CHRNA4: variants seen among roughly 807,000 people sequenced by gnomAD.
CHRNA4 encodes cholinergic receptor nicotinic alpha 4 subunit.
A neutral mutation model predicts 48.9 loss-of-function variants in CHRNA4; 28 were observed. The observed-to-expected ratio is 0.57, with a 90% confidence interval of 0.42 to 0.79. The LOEUF (loss-of-function observed/expected upper bound fraction) is 0.79. Among genes scored for constraint, CHRNA4 ranks in the 30% least tolerant of loss-of-function variants. The pLI, the probability that CHRNA4 is intolerant of heterozygous loss-of-function variation, is 0.00. For synonymous variants in CHRNA4, 425 were observed against 402.3 expected (o/e 1.06, Z -0.68); for missense variants, 859 against 898.4 (o/e 0.96, Z 0.56).
intron 4 of CHRNA4, among the ~76,000 whole-genome samples, chr20:63,352,026 G>A (rs867502061): frequency 2.0e-5 from 3 of 152,166 alleles, no homozygotes; most frequent in South Asian, 2.1e-4. Context: ...AATCCCCAGC[G>A]TTGGCAGGCA....
intron 4 of CHRNA4, chr20:63,355,598 G>A (rs4809543): frequency 0.073 from 95,480 of 1,306,942 alleles, 3,921 homozygotes; most frequent in South Asian, 0.11. Flanking sequence ...TCCTGCAGCT[G>A]TCAAGGGTGG....
chr20:63,344,473 T>C lies in CHRNA4; in HGVS notation c.*2265A>G, dbSNP rs1237699738. On this transcript the variant is annotated 3_prime_UTR_variant, in exon 6 of 6. Coordinates refer to ENST00000370263, the MANE Select transcript of CHRNA4 (RefSeq NM_000744.7). The surrounding 1 kb of genome is among the most constrained non-coding windows in gnomAD (Gnocchi z 4.5). Reference sequence around the variant, plus strand: ...GCGTGGTGGGAATATGGTGCTTTATTTGGATTTTTTTTTTGAGCCTCAAAA... The same window carrying C: ...GCGTGGTGGGAATATGGTGCTTTATCTGGATTTTTTTTTTGAGCCTCAAAA... 2.3e-6 allele frequency: 1 copy of C among 440,816 alleles called. No homozygotes were observed. The highest frequency in any genetic ancestry group is 2.2e-5 in the African/African-American group (1 of 46,356). The allele number at this position is 440,816 out of a possible 1,614,324, so 27.3% of individuals were successfully genotyped here.
rs771368813 is a variant in CHRNA4 at position 63,345,442 on chromosome 20, C to T, written c.*1296G>A. On this transcript the variant is annotated 3_prime_UTR_variant, in exon 6 of 6. Coordinates refer to ENST00000370263, the MANE Select transcript of CHRNA4 (RefSeq NM_000744.7). The surrounding 1 kb of genome is among the most constrained non-coding windows in gnomAD (Gnocchi z 5.4). ...TGTGCCCATCCCAAGGGGAAGTGTG[C>T]CCCTGGGGACACTGGGGGGCTGCCG... 5 of 388,708 alleles carry T rather than the reference C, an allele frequency of 1.3e-5. No homozygotes were observed. Among genetic ancestry groups the T allele is most frequent in the South Asian group, 9.2e-5 (5 of 54,262 alleles). The allele number at this position is 388,708 out of a possible 1,614,324, so 24.1% of individuals were successfully genotyped here. A position where few individuals can be genotyped will look rare whatever the true frequency, so the allele number is the denominator to read the frequency against.
intron 2 of CHRNA4, among the ~76,000 whole-genome samples, chr20:63,356,909 T>C (rs1339268832): frequency 6.6e-6 from 1 of 152,088 alleles, no homozygotes; most frequent in Non-Finnish European, 1.5e-5. Context: ...AAGGTCACTG[T>C]GTGCAGCTGG....
At position 63,349,892 on chromosome 20, in the gene CHRNA4, C is replaced by T; in HGVS notation, c.1519G>A (p.Ala507Thr). The part of the protein sequence containing the change: ...DAAPEADGQA[A>T]GALASRNTHS... ...GTGTTGCGAGAGGCCAGGGCGCCGG[C>T]AGCCTGGCCATCTGCCTCGGGGGCG... Residue 507 changes from alanine to threonine, a missense_variant, in exon 5 of 6, where the codon GCC (alanine) becomes ACC (threonine). This residue lies in a region of CHRNA4 where 478 missense variants were observed against 455.4 expected (regional missense o/e 1.05). Coordinates refer to ENST00000370263, the MANE Select transcript of CHRNA4 (RefSeq NM_000744.7). The T allele has an allele frequency of 6.3e-7, 1 of 1,593,792 alleles. No individual in the cohort carries two copies. The highest frequency in any genetic ancestry group is 8.6e-7 in the Non-Finnish European group (1 of 1,168,478).
intron 4 of CHRNA4, among the ~76,000 whole-genome samples, chr20:63,353,803 G>A (rs1358411032): frequency 3.3e-5 from 3 of 91,496 alleles, no homozygotes; most frequent in African/African-American, 8.9e-5. Context: ...TGGTCCTAGA[G>A]GGGGCTGTGG....
intron 4 of CHRNA4, among the ~76,000 whole-genome samples, chr20:63,353,333 C>T (rs2068643695): frequency 6.6e-6 from 1 of 152,144 alleles, no homozygotes; most frequent in African/African-American, 2.4e-5. Flanking sequence ...CGGTGACAAT[C>T]CCAGCCCCAA....
At chr20:63,360,405 G>A in intron 1 of CHRNA4, among the ~76,000 whole-genome samples, 1 of 152,204 alleles carries the variant, frequency 6.6e-6, no homozygotes, top group East Asian at 1.9e-4. Context: ...CCCCTGATGA[G>A]TCGCTCTGGA....
chr20:63,350,471 T>C lies in CHRNA4; in HGVS notation c.940A>G (p.Met314Val), dbSNP rs773225799. 3.1e-6 allele frequency: 5 copies of C among 1,613,110 alleles called. No individual in the cohort carries two copies. In the Admixed American group the frequency reaches 8.3e-5, roughly 27 times the overall value. Residue 314 changes from methionine (M) to valine (V), a missense_variant, in exon 5 of 6, where the codon ATG becomes GTG. Met to Val is a conservative substitution (Grantham distance 21). Coordinates refer to ENST00000370263, the MANE Select transcript of CHRNA4 (RefSeq NM_000744.7). The part of the protein sequence containing the change: ...PLIGEYLLFT[M>V]IFVTLSIVIT... ...ACGATGGACAGGGTGACGAAGATCATGGTGAACAGCAGGTACTCGCCGATG... is the reference window on the plus strand; with the variant it reads ...ACGATGGACAGGGTGACGAAGATCACGGTGAACAGCAGGTACTCGCCGATG...
intron 4 of CHRNA4, 64 bp from the exon 5 acceptor site, chr20:63,351,091 C>T: frequency 6.5e-7 from 1 of 1,550,310 alleles, no homozygotes. Flanking sequence ...ACACCCACGC[C>T]CACTGCCACA....
Position 63,350,840 on chromosome 20 carries a change from G to A in CHRNA4, c.571C>T (p.Leu191=), listed in dbSNP as rs761516841. ...SWTYDKAKID[L]VNMHSRVDQL... ...TCCACGCGGCTGTGCATGTTCACCAGGTCGATCTTGGCCTTGTCGTAGGTC... is the reference window on the plus strand; with the variant it reads ...TCCACGCGGCTGTGCATGTTCACCAAGTCGATCTTGGCCTTGTCGTAGGTC... Residue 191 remains leucine, a synonymous_variant, in exon 5 of 6, where the codon CTG becomes TTG. Coordinates refer to ENST00000370263, the MANE Select transcript of CHRNA4 (RefSeq NM_000744.7). The A allele has an allele frequency of 1.2e-6, 2 of 1,614,022 alleles. No individual in the cohort carries two copies. The highest frequency in any genetic ancestry group is 2.2e-5 in the South Asian group (2 of 91,076).
rs377273499 is a variant in CHRNA4 at position 63,347,728 on chromosome 20, G to A, written c.1759-865C>T. On this transcript the variant is annotated intron_variant, in intron 5 of 5. Coordinates refer to ENST00000370263, the MANE Select transcript of CHRNA4 (RefSeq NM_000744.7). ...TAGGACCTGAGACAACCCCCAAGCT[G>A]ATGAGCTGCCTCTGGGCCCGGCCGT... Among the ~76,000 whole-genome samples the A allele has an allele frequency of 3.0e-4, 45 of 152,324 alleles. No individual in the cohort carries two copies. In the East Asian group the frequency reaches 6.8e-3, roughly 23 times the overall value.
rs2068464530 is a variant in CHRNA4 at position 63,344,865 on chromosome 20, G to C, written c.*1873C>G. The C allele has an allele frequency of 2.3e-6, 1 of 429,616 alleles. No homozygotes were observed. The highest frequency in any genetic ancestry group is 2.0e-5 in the African/African-American group (1 of 49,548). The allele number at this position is 429,616 out of a possible 1,614,324, so 26.6% of individuals were successfully genotyped here. A position where few individuals can be genotyped will look rare whatever the true frequency, so the allele number is the denominator to read the frequency against. ...GATGGCAGAGCGGGGGCAGGTCAGA[G>C]CTCAGCAGATGGGGTCCTGAATACA... On this transcript the variant is annotated 3_prime_UTR_variant, in exon 6 of 6. Coordinates refer to ENST00000370263, the MANE Select transcript of CHRNA4 (RefSeq NM_000744.7). This position sits in a 1 kb window ranked among gnomAD's most constrained non-coding sequence, Gnocchi z 4.5.
In CHRNA4 at chr20:63,361,162, C is replaced by T; in HGVS notation, c.4G>A (p.Glu2Lys). 4 of 1,479,558 alleles carry T rather than the reference C, an allele frequency of 2.7e-6. No homozygotes were observed. The highest frequency in any genetic ancestry group is 3.6e-6 in the Non-Finnish European group (4 of 1,121,306). The allele number at this position is 1,479,558 out of a possible 1,614,324, so 91.7% of individuals were successfully genotyped here. Residue 2 changes from glutamate (E) to lysine (K), a missense_variant, in exon 1 of 6, where the codon GAG (glutamate) becomes AAG (lysine). By Grantham distance (56) the Glu-to-Lys change is moderately conservative. Transcript: ENST00000370263. Reference sequence around the variant, plus strand: ...CGCGGCGCTCCGGGGCCCCCTAGCTCCATGGCGCACGCACCTCGCGGGCTC... The same window carrying T: ...CGCGGCGCTCCGGGGCCCCCTAGCTTCATGGCGCACGCACCTCGCGGGCTC... Reference protein sequence around the residue: MELGGPGAPRLL... With the variant: MKLGGPGAPRLL...
chr20:63,353,405 A>AT (rs1468398674), intron 4 of CHRNA4, among the ~76,000 whole-genome samples: 1 of 148,222 alleles, frequency 6.7e-6, no homozygotes, highest in African/African-American at 2.5e-5. Flanking sequence ...GACACAGGAG[A>AT]ACATGGGGTG....
At chr20:63,353,465 AG>A (rs1241212893) in intron 4 of CHRNA4, among the ~76,000 whole-genome samples, 47 of 34,520 alleles carry the variant, frequency 1.4e-3, no homozygotes, top group Admixed American at 2.7e-3. Flanking sequence ...CTGTGGTCCT[AG>A]GGGGGCTGTG....
chr20:63,354,039 G>A (rs1417188350), intron 4 of CHRNA4, among the ~76,000 whole-genome samples: 6 of 138,370 alleles, frequency 4.3e-5, no homozygotes, highest in African/African-American at 1.4e-4. Flanking sequence ...TGTAGTCCTA[G>A]GGGGCTGTGG....
At chr20:63,352,355 G>A (rs1284209676) in intron 4 of CHRNA4, among the ~76,000 whole-genome samples, 1 of 152,166 alleles carries the variant, frequency 6.6e-6, no homozygotes, top group Non-Finnish European at 1.5e-5. Flanking sequence ...CCTCCAGGTC[G>A]TGGAGACCTG....
Position 63,350,521 on chromosome 20 carries a change from G to A in CHRNA4, c.890C>T (p.Pro297Leu), listed in dbSNP as rs766414326. Residue 297 changes from proline (P) to leucine (L), a missense_variant, in exon 5 of 6, where the codon CCG becomes CTG. Physicochemically the swap from Pro to Leu is moderately conservative, Grantham distance 98 (BLOSUM62 -3). This residue lies in a region of CHRNA4 where 39 missense variants were observed against 77.7 expected (regional missense o/e 0.50). Transcript: ENST00000370263. Reference sequence around the variant, plus strand: ...GAGTGGGATGACCAGTGAGGTGGACGGGATGATCTCGGTGATGAGCAGCAG... The same window carrying A: ...GAGTGGGATGACCAGTGAGGTGGACAGGATGATCTCGGTGATGAGCAGCAG... ...VFLLLITEII[P>L]STSLVIPLIG... is the part of the protein sequence containing the mutation. The A allele has an allele frequency of 3.7e-6, 6 of 1,613,870 alleles. No individual in the cohort carries two copies. Among genetic ancestry groups the A allele is most frequent in the Admixed American group, 1.7e-5 (1 of 60,000 alleles).
Sources: allele counts gnomAD v4.1 joint callset (sites outside exome capture counted in the v4.1 genomes callset), GRCh38; gene constraint gnomAD v4.1.1; regional missense constraint gnomAD v4.1.1; non-coding constraint Gnocchi (gnomAD v3.1); transcripts MANE v1.5; gene names NCBI Gene and HGNC (gene_info 2026-07-23, HGNC 2026-07-21).